THSD7B: variants seen among roughly 807,000 people sequenced by gnomAD.
THSD7B encodes thrombospondin type 1 domain containing 7B.
In THSD7B, 138 loss-of-function variants were observed where a neutral mutation model predicts 213.6. That is an observed-to-expected ratio of 0.65 (90% CI 0.56 to 0.74). THSD7B has a LOEUF of 0.74. Ranked by LOEUF, THSD7B falls within the 30% of genes least tolerant of loss-of-function variation. The pLI, the probability that THSD7B is intolerant of heterozygous loss-of-function variation, is 0.00. For missense variants in THSD7B, 1,931 were observed against 1,991.5 expected (o/e 0.97, Z 0.58); for synonymous variants, 742 against 687.0 (o/e 1.08, Z -1.25).
chr2:137,523,027 T>C (rs1392628763), intron 15 of THSD7B, among the ~76,000 whole-genome samples: 1 of 152,226 alleles, frequency 6.6e-6, no homozygotes, highest in East Asian at 1.9e-4. Context: ...AAGATTGTTA[T>C]TGACGTTGTA....
chr2:137,040,277 A>T (rs956826880), intron 2 of THSD7B, among the ~76,000 whole-genome samples: 3 of 152,136 alleles, frequency 2.0e-5, no homozygotes, highest in Non-Finnish European at 2.9e-5. Flanking sequence ...CCTCTCCCAG[A>T]CTAAGTATGA....
At chr2:137,093,363 T>C (rs1473974709) in intron 3 of THSD7B, among the ~76,000 whole-genome samples, 1 of 152,132 alleles carries the variant, frequency 6.6e-6, no homozygotes, top group Non-Finnish European at 1.5e-5. Flanking sequence ...CTCAGGAGTT[T>C]GGGAGAGGAG....
chr2:137,535,209 A>C (rs978662460), intron 15 of THSD7B, among the ~76,000 whole-genome samples: 2 of 151,790 alleles, frequency 1.3e-5, no homozygotes, highest in African/African-American at 4.8e-5. Flanking sequence ...GTGTAAGTCT[A>C]TACCATTTCT....
intron 2 of THSD7B, among the ~76,000 whole-genome samples, chr2:136,967,027 C>T (rs1685327090): frequency 6.6e-6 from 1 of 152,090 alleles, no homozygotes; most frequent in Non-Finnish European, 1.5e-5. Context: ...TGCCGTGTAT[C>T]TTCAGCTAAA....
At chr2:137,074,612 A>C (rs1206044595) in intron 3 of THSD7B, among the ~76,000 whole-genome samples, 1 of 152,122 alleles carries the variant, frequency 6.6e-6, no homozygotes, top group Non-Finnish European at 1.5e-5. Flanking sequence ...TTATGTGTGA[A>C]TTTGATCCTG....
At chr2:137,097,466 G>A (rs1226377658) in intron 4 of THSD7B, among the ~76,000 whole-genome samples, 2 of 152,060 alleles carry the variant, frequency 1.3e-5, no homozygotes, top group Admixed American at 1.3e-4. Flanking sequence ...TAAGATTCAA[G>A]CACAAATTTA....
intron 15 of THSD7B, among the ~76,000 whole-genome samples, chr2:137,546,460 TATAATA>T: frequency 4.4e-5 from 1 of 22,536 alleles, no homozygotes; most frequent in African/African-American, 3.4e-4. Flanking sequence ...ATATATTATA[TATAATA>T]TATATATATA....
At chr2:137,494,041 A>G (rs891913240) in intron 15 of THSD7B, among the ~76,000 whole-genome samples, 1 of 152,212 alleles carries the variant, frequency 6.6e-6, no homozygotes, top group Non-Finnish European at 1.5e-5. Flanking sequence ...TCATTTTCCC[A>G]GGAAATCAAT....
rs771670335 is a variant in THSD7B, at chr2:136,829,086, C to T, written c.-35-53058C>T. On this transcript the variant is annotated intron_variant, in intron 1 of 27. Transcript: ENST00000409968. The stretch of plus-strand genomic sequence containing the variant: ...GTATGAGTCTTCCTTTGTTCTCTTT[C>T]TTACTGTATTTTTGAGTTTTCTTCT... Among the ~76,000 whole-genome samples, 16 of 151,740 alleles carry T rather than the reference C, an allele frequency of 1.1e-4. 1 individual carries two copies. The highest frequency in any genetic ancestry group is 1.8e-4 in the Non-Finnish European group (12 of 67,970).
intron 5 of THSD7B, among the ~76,000 whole-genome samples, chr2:137,120,057 A>C (rs141280133): frequency 6.6e-6 from 1 of 152,142 alleles, no homozygotes; most frequent in African/African-American, 2.4e-5. Context: ...TAGAGGAGCA[A>C]TGAGACTGTT....
intron 17 of THSD7B, among the ~76,000 whole-genome samples, chr2:137,581,644 A>C (rs1261889647): frequency 1.3e-5 from 2 of 151,546 alleles, no homozygotes; most frequent in Non-Finnish European, 2.9e-5. Context: ...AAAATAAAAA[A>C]TACTACTTGG....
chr2:136,815,426 C>T (rs533491659), intron 1 of THSD7B, among the ~76,000 whole-genome samples: 1 of 152,296 alleles, frequency 6.6e-6, no homozygotes, highest in African/African-American at 2.4e-5. Context: ...CTCTGTTAAA[C>T]TATACCCAGA....
At chr2:137,277,087 A>G in intron 12 of THSD7B, among the ~76,000 whole-genome samples, 1 of 152,038 alleles carries the variant, frequency 6.6e-6, no homozygotes, top group East Asian at 1.9e-4. Flanking sequence ...AGAATATCCA[A>G]ATCACCAATA....
At position 137,575,177 on chromosome 2, in the gene THSD7B, A is replaced by T. The variant is rs369334002; in HGVS notation, c.3423+2621A>T. On this transcript the variant is annotated intron_variant, in intron 17 of 27. Coordinates refer to ENST00000409968, the MANE Select transcript of THSD7B (RefSeq NM_001316349.2). ...CTGGGAAGTGAGGACAATAATAGCT[A>T]TTTTTTTCAGATTGTTTAAAAAATT... 5.8e-4 allele frequency among the ~76,000 whole-genome samples: 88 copies of T among 152,112 alleles called. 1 individual carries two copies. The South Asian group carries it at 0.018, about 31-fold the overall frequency.
intron 4 of THSD7B, among the ~76,000 whole-genome samples, chr2:137,104,972 C>G (rs1688219809): frequency 6.6e-6 from 1 of 152,142 alleles, no homozygotes; most frequent in Non-Finnish European, 1.5e-5. Context: ...CGAATTCTAC[C>G]AGAGGTTCAA....
At chr2:137,211,331 T>TCC (rs1681097619) in intron 7 of THSD7B, among the ~76,000 whole-genome samples, 1 of 6,276 alleles carries the variant, frequency 1.6e-4, no homozygotes, top group Non-Finnish European at 5.5e-4. Context: ...CTATCCTTCC[T>TCC]ACACACACAC....
intron 1 of THSD7B, among the ~76,000 whole-genome samples, chr2:136,830,360 G>A (rs182370705): frequency 1.4e-4 from 22 of 152,078 alleles, no homozygotes; most frequent in Non-Finnish European, 1.5e-5. Context: ...CCATTGAAAA[G>A]GAATAAAATG....
intron 7 of THSD7B, among the ~76,000 whole-genome samples, chr2:137,209,346 A>C (rs1681050680): frequency 1.3e-5 from 2 of 152,048 alleles, no homozygotes; most frequent in Non-Finnish European, 2.9e-5. Context: ...CTCTTAGCAC[A>C]AGGTGTCTCT....
At position 137,677,127 on chromosome 2, in the gene THSD7B, G is replaced by A. The variant is rs1683721377; in HGVS notation, c.*522G>A. 2 of 152,614 alleles carry A rather than the reference G, an allele frequency of 1.3e-5. No individual in the cohort carries two copies. Among genetic ancestry groups the A allele is most frequent in the African/African-American group, 2.4e-5 (1 of 41,436 alleles). The allele number at this position is 152,614 out of a possible 1,614,324, so 9.5% of individuals were successfully genotyped here. Reference sequence around the variant, plus strand: ...TATTTTTCATGAACACAGAGAGAATGGATTACCATTTCAGAAATTCTCTGA... The same window carrying A: ...TATTTTTCATGAACACAGAGAGAATAGATTACCATTTCAGAAATTCTCTGA... On this transcript the variant is annotated 3_prime_UTR_variant, in exon 28 of 28. Coordinates refer to ENST00000409968, the MANE Select transcript of THSD7B (RefSeq NM_001316349.2).
Sources: gnomAD v4.1 joint callset for allele counts (sites outside exome capture counted in the v4.1 genomes callset) on GRCh38, gnomAD v4.1.1 for gene constraint, MANE v1.5 for transcripts, NCBI Gene and HGNC (gene_info 2026-07-23, HGNC 2026-07-21) for gene names.